PRKAA2: variants seen among roughly 807,000 people sequenced by gnomAD.
PRKAA2 encodes the protein 5'-AMP-activated protein kinase catalytic subunit alpha-2.
PRKAA2 carries 40 observed loss-of-function variants against 56.3 expected under a neutral mutation model. The ratio of observed to expected loss-of-function variants is 0.71; its 90% confidence interval spans 0.55 to 0.92. The LOEUF is 0.92. Among genes scored for constraint, PRKAA2 ranks in the 40% least tolerant of loss-of-function variants. The pLI is 0.00. For missense variants in PRKAA2, 542 were observed against 686.9 expected, an observed-to-expected ratio of 0.79 and a Z score of 2.36; for synonymous variants, 214 against 234.2, an observed-to-expected ratio of 0.91 and a Z score of 0.79.
At chr1:56,645,794 G>GTCCT (rs1557538559) in intron 1 of PRKAA2, among the ~76,000 whole-genome samples, 1 of 152,152 alleles carries the variant, frequency 6.6e-6, no homozygotes, top group East Asian at 1.9e-4. Context: ...GGACCTCAGT[G>GTCCT]TCCTCCTCTG....
Position 56,645,327 on chromosome 1 carries a change from G to A in PRKAA2, c.-61G>A. Reference sequence around the variant, plus strand: ...GCAGGGCCCGCTGCACTGTGGGTAGGCGGCGGCGGCGGCGGCTACGCGGAG... The same window carrying A: ...GCAGGGCCCGCTGCACTGTGGGTAGACGGCGGCGGCGGCGGCTACGCGGAG... On this transcript the variant is annotated 5_prime_UTR_variant, in exon 1 of 9. Coordinates refer to ENST00000371244, the MANE Select transcript of PRKAA2 (RefSeq NM_006252.4). 8.6e-7 allele frequency: 1 copy of A among 1,167,012 alleles called. No homozygotes were observed. The highest frequency in any genetic ancestry group is 1.1e-6 in the Non-Finnish European group (1 of 885,430). The allele number at this position is 1,167,012 out of a possible 1,614,324, so 72.3% of individuals were successfully genotyped here.
intron 1 of PRKAA2, among the ~76,000 whole-genome samples, chr1:56,653,801 GA>G (rs1643921833): frequency 6.6e-6 from 1 of 152,124 alleles, no homozygotes; most frequent in Non-Finnish European, 1.5e-5. Flanking sequence ...AATGTGTTCA[GA>G]AACCTGTAAT....
chr1:56,674,636 C>T, intron 2 of PRKAA2, 114 bp downstream of exon 2: 3 of 927,444 alleles, frequency 3.2e-6, no homozygotes, highest in Non-Finnish European at 4.6e-6. Context: ...TTTTCATGTT[C>T]ATATTCAGCA....
At chr1:56,677,162 T>A (rs1357061884) in intron 2 of PRKAA2, among the ~76,000 whole-genome samples, 5 of 152,322 alleles carry the variant, frequency 3.3e-5, no homozygotes, top group African/African-American at 1.2e-4. Flanking sequence ...GAGGATTAAA[T>A]GTGTTGGCAC....
chr1:56,706,359 T>C, intron 8 of PRKAA2, 141 bp downstream of exon 8: 1 of 875,454 alleles, frequency 1.1e-6, no homozygotes, highest in South Asian at 2.4e-5. Context: ...AAAATGTAAG[T>C]GAAGTGAAAA....
At position 56,693,829 on chromosome 1, in the gene PRKAA2, A is replaced by G. The variant is rs151251712; in HGVS notation, c.540A>G (p.Ala180=). 7 of 1,596,002 alleles carry G rather than the reference A, an allele frequency of 4.4e-6. No homozygotes were observed. In the African/African-American group the frequency reaches 8.0e-5, roughly 18 times the overall value. ...CTAGTTGCGGATCTCCAAATTATGCAGCACCTGAAGTCATCTCAGGCAGGT... is the reference window on the plus strand; with the variant it reads ...CTAGTTGCGGATCTCCAAATTATGCGGCACCTGAAGTCATCTCAGGCAGGT... ...LRTSCGSPNY[A]APEVISGRLY... is the part of the protein sequence containing the mutation. Residue 180 remains alanine (A), a synonymous_variant, in exon 5 of 9, where the codon GCA becomes GCG. Transcript: ENST00000371244.
At chr1:56,680,817 A>G (rs1207861626) in intron 2 of PRKAA2, among the ~76,000 whole-genome samples, 1 of 152,206 alleles carries the variant, frequency 6.6e-6, no homozygotes, top group Non-Finnish European at 1.5e-5. Flanking sequence ...CACAATAAAC[A>G]TACGTGTGCA....
Position 56,713,463 on chromosome 1 carries a change from C to G in PRKAA2, c.*5750C>G, listed in dbSNP as rs1301244150. On this transcript the variant is annotated 3_prime_UTR_variant, in exon 9 of 9. Transcript: ENST00000371244. ...AGTGGCTCTTGATTGTTTGGACAAG[C>G]AGGGTAGGTAAATTTCAATTACGTT... is the stretch of plus-strand genomic sequence containing the variant. 1 of 151,728 alleles carries G rather than the reference C, an allele frequency of 6.6e-6. No individual in the cohort carries two copies. Among genetic ancestry groups the G allele is most frequent in the African/African-American group, 2.4e-5 (1 of 41,270 alleles). 9.4% of individuals were successfully genotyped at this position (151,728 alleles called of 1,614,324 possible).
At chr1:56,653,099 T>G (rs1643914548) in intron 1 of PRKAA2, among the ~76,000 whole-genome samples, 1 of 151,512 alleles carries the variant, frequency 6.6e-6, no homozygotes, top group African/African-American at 2.4e-5. Flanking sequence ...TTGATTTTAC[T>G]TTTGAAATTA....
chr1:56,658,644 C>T (rs1409094980), intron 1 of PRKAA2, among the ~76,000 whole-genome samples: 2 of 144,932 alleles, frequency 1.4e-5, no homozygotes, highest in African/African-American at 2.6e-5. Context: ...CTGGGTCTCA[C>T]TCTGTTGCCC....
In PRKAA2 at chr1:56,708,046, G is replaced by A. The variant is rs547075833; in HGVS notation, c.*333G>A. The A allele has an allele frequency of 1.1e-5, 3 of 278,380 alleles. No individual in the cohort carries two copies. In the South Asian group the frequency reaches 1.5e-4, roughly 14 times the overall value. 17.2% of individuals were successfully genotyped at this position (278,380 alleles called of 1,614,324 possible). Reference sequence around the variant, plus strand: ...AACCATCTCAATGTAAGGGTGGTTTGGCAACACCTCCTTGCTTTGCTGTTT... The same window carrying A: ...AACCATCTCAATGTAAGGGTGGTTTAGCAACACCTCCTTGCTTTGCTGTTT... On this transcript the variant is annotated 3_prime_UTR_variant, in exon 9 of 9. Coordinates refer to ENST00000371244, the MANE Select transcript of PRKAA2 (RefSeq NM_006252.4).
chr1:56,674,407 A>G lies in PRKAA2; in HGVS notation c.121A>G (p.Lys41Glu). The G allele has an allele frequency of 6.3e-7, 1 of 1,580,976 alleles. No individual in the cohort carries two copies. Among genetic ancestry groups the G allele is most frequent in the Non-Finnish European group, 8.6e-7 (1 of 1,167,238 alleles). Residue 41 changes from lysine (K) to glutamate (E), a missense_variant, in exon 2 of 9, where the codon AAA becomes GAA. Physicochemically the swap from Lys to Glu is moderately conservative, Grantham distance 56. Around this residue, in one of 5 missense-constraint regions of PRKAA2, gnomAD observed 59 missense variants for 53.9 expected, o/e 1.09. Coordinates refer to ENST00000371244, the MANE Select transcript of PRKAA2 (RefSeq NM_006252.4). ...KIGEHQLTGH[K>E]VAVKILNRQK... ...TGGAGAACATCAATTAACAGGCCAT[A>G]AAGTGGCAGTTAAAATCTTAAATAG...
rs960003395 is a variant in PRKAA2, at chr1:56,708,012, A to G, written c.*299A>G. The stretch of plus-strand genomic sequence containing the variant: ...GTTCACTACAGACGATTAACACACC[A>G]CACTGGCGAACCATCTCAATGTAAG... On this transcript the variant is annotated 3_prime_UTR_variant, in exon 9 of 9. Coordinates refer to ENST00000371244, the MANE Select transcript of PRKAA2 (RefSeq NM_006252.4). 3.8e-5 allele frequency: 13 copies of G among 342,786 alleles called. No individual in the cohort carries two copies. Among genetic ancestry groups the G allele is most frequent in the Non-Finnish European group, 5.9e-5 (11 of 185,700 alleles). The allele number at this position is 342,786 out of a possible 1,614,324, so 21.2% of individuals were successfully genotyped here. A position where few individuals can be genotyped will look rare whatever the true frequency, so the allele number is the denominator to read the frequency against.
At chr1:56,693,889 G>T (rs772442733) in intron 5 of PRKAA2, 37 bp downstream of exon 5, 1 of 1,383,152 alleles carries the variant, frequency 7.2e-7, no homozygotes. Context: ...TTGTAATCTT[G>T]TGTTCATTTT....
At chr1:56,666,554 T>C (rs1381216206) in intron 1 of PRKAA2, among the ~76,000 whole-genome samples, 1 of 152,202 alleles carries the variant, frequency 6.6e-6, no homozygotes, top group Admixed American at 6.5e-5. Flanking sequence ...GTTCACATAT[T>C]TAATGGCATT....
intron 1 of PRKAA2, among the ~76,000 whole-genome samples, chr1:56,655,276 A>G (rs1643931805): frequency 2.7e-5 from 1 of 36,638 alleles, no homozygotes; most frequent in East Asian, 1.4e-3. Flanking sequence ...ATCTATATAT[A>G]TATATTTTTT....
At chr1:56,682,807 C>T (rs1341910315) in intron 2 of PRKAA2, among the ~76,000 whole-genome samples, 1 of 152,088 alleles carries the variant, frequency 6.6e-6, no homozygotes, top group Non-Finnish European at 1.5e-5. Context: ...AGCCAGTGGC[C>T]ACATGTGGCT....
intron 1 of PRKAA2, among the ~76,000 whole-genome samples, chr1:56,649,067 T>G (rs1384354408): frequency 6.6e-6 from 1 of 152,212 alleles, no homozygotes. Flanking sequence ...AGGTCCAATT[T>G]ATTAGTTTTT....
At chr1:56,658,569 T>C (rs1643964439) in intron 1 of PRKAA2, among the ~76,000 whole-genome samples, 1 of 128,458 alleles carries the variant, frequency 7.8e-6, no homozygotes, top group African/African-American at 2.9e-5. Context: ...TGGTAAATGT[T>C]GTTGTTTTTT....
Sources: allele counts gnomAD v4.1 joint callset (sites outside exome capture counted in the v4.1 genomes callset), GRCh38; gene constraint gnomAD v4.1.1; regional missense constraint gnomAD v4.1.1; transcripts MANE v1.5; gene names NCBI Gene and HGNC (gene_info 2026-07-23, HGNC 2026-07-21).